Variants in C1orf21 observed in about 807,000 individuals in gnomAD.
The protein encoded by C1orf21 is chromosome 1 open reading frame 21.
In C1orf21, 3 loss-of-function variants were observed where a neutral mutation model predicts 18.7. That is an observed-to-expected ratio of 0.16 (90% confidence interval 0.07 to 0.42). The LOEUF (loss-of-function observed/expected upper bound fraction) is 0.42. Among genes scored for constraint, C1orf21 ranks in the 10% least tolerant of loss-of-function variants. C1orf21 has a pLI of 0.99. For missense variants in C1orf21, 104 were observed against 143.6 expected, an observed-to-expected ratio of 0.72 and a Z score of 1.41; for synonymous variants, 41 against 46.4, an observed-to-expected ratio of 0.88 and a Z score of 0.47.
intron 2 of C1orf21, among the ~76,000 whole-genome samples, chr1:184,499,911 T>C (rs1465250893): frequency 6.6e-6 from 1 of 152,194 alleles, no homozygotes; most frequent in African/African-American, 2.4e-5. Context: ...ACAGGAATCC[T>C]GCTAGGAGTA....
chr1:184,444,870 A>G (rs1039049828), intron 1 of C1orf21, among the ~76,000 whole-genome samples: 2 of 152,102 alleles, frequency 1.3e-5, no homozygotes, highest in African/African-American at 4.8e-5. Flanking sequence ...CTATCTAGGG[A>G]GATCAAAAGA....
chr1:184,442,513 C>T (rs901094415), intron 1 of C1orf21, among the ~76,000 whole-genome samples: 3 of 152,180 alleles, frequency 2.0e-5, no homozygotes, highest in Non-Finnish European at 4.4e-5. Context: ...TGGCATGTTG[C>T]CTGTCTTTTA....
intron 1 of C1orf21, among the ~76,000 whole-genome samples, chr1:184,440,989 T>C (rs1424250157): frequency 6.6e-6 from 1 of 152,208 alleles, no homozygotes; most frequent in Non-Finnish European, 1.5e-5. Flanking sequence ...CTATTTGATG[T>C]TTTTTGTTTG....
In C1orf21 at chr1:184,553,305, C is replaced by A. The variant is rs1033178479; in HGVS notation, c.190-37434C>A. Among the ~76,000 whole-genome samples, 3 of 152,188 alleles carry A rather than the reference C, an allele frequency of 2.0e-5. No individual in the cohort carries two copies. The South Asian group carries it at 6.2e-4, about 32-fold the overall frequency. The stretch of plus-strand genomic sequence containing the variant: ...CTGGATTTCCATTAATAATCCTAGG[C>A]AAAGAAGTTATTTCATAGGTTGTCT... On this transcript the variant is annotated intron_variant, in intron 3 of 5. Transcript: ENST00000235307.
intron 3 of C1orf21, among the ~76,000 whole-genome samples, chr1:184,509,046 C>G (rs538494865): frequency 6.6e-6 from 1 of 152,258 alleles, no homozygotes; most frequent in South Asian, 2.1e-4. Context: ...AGTTATCAAT[C>G]TCATCCTTAA....
At chr1:184,579,573 C>T (rs184986883) in intron 3 of C1orf21, among the ~76,000 whole-genome samples, 1,698 of 147,488 alleles carry the variant, frequency 0.012, 40 homozygotes, top group African/African-American at 0.04. Flanking sequence ...TGCAGTGGCA[C>T]GATCTCAGCT....
intron 2 of C1orf21, among the ~76,000 whole-genome samples, chr1:184,488,422 G>C (rs1657765253): frequency 6.6e-6 from 1 of 152,314 alleles, no homozygotes; most frequent in South Asian, 2.1e-4. Context: ...GTAGAAGTAA[G>C]GAGTAAAGCA....
chr1:184,487,319 GA>G (rs1233819412), intron 2 of C1orf21, among the ~76,000 whole-genome samples: 3 of 152,178 alleles, frequency 2.0e-5, no homozygotes, highest in African/African-American at 4.8e-5. Context: ...TCTGCACTTG[GA>G]ACTTTACATG....
chr1:184,607,298 A>G (rs1310831420), intron 5 of C1orf21, among the ~76,000 whole-genome samples: 1 of 152,216 alleles, frequency 6.6e-6, no homozygotes, highest in African/African-American at 2.4e-5. Context: ...CATGGTCAGT[A>G]TCTACCTTAT....
intron 5 of C1orf21, among the ~76,000 whole-genome samples, chr1:184,602,038 T>C (rs2102003999): frequency 6.6e-6 from 1 of 152,308 alleles, no homozygotes; most frequent in Admixed American, 6.5e-5. Flanking sequence ...AGTCCATTGC[T>C]TTGACAAGTT....
chr1:184,506,875 C>A (rs1658070568), intron 2 of C1orf21, among the ~76,000 whole-genome samples: 1 of 152,086 alleles, frequency 6.6e-6, no homozygotes, highest in Non-Finnish European at 1.5e-5. Context: ...TCCCACTATA[C>A]TCTCCAGCCT....
rs1025637026 is a variant in C1orf21, at chr1:184,457,211, A to G, written c.-124-20175A>G. Among the ~76,000 whole-genome samples, 10 of 152,334 alleles carry G rather than the reference A, an allele frequency of 6.6e-5. No homozygotes were observed. The South Asian group carries it at 2.1e-3, about 32-fold the overall frequency. ...GGAAGGAACTTGTTGAGGACATAGA[A>G]GTGACTAGAATTGCATCCGTTATCT... On this transcript the variant is annotated intron_variant, in intron 1 of 5. Transcript: ENST00000235307.
chr1:184,558,911 G>T (rs1405093015), intron 3 of C1orf21, among the ~76,000 whole-genome samples: 1 of 152,230 alleles, frequency 6.6e-6, no homozygotes, highest in Non-Finnish European at 1.5e-5. Context: ...AGGCAGAATT[G>T]TAGAGTAGAA....
Position 184,588,449 on chromosome 1 carries a change from T to C in C1orf21, c.190-2290T>C, listed in dbSNP as rs116321842. On this transcript the variant is annotated intron_variant, in intron 3 of 5. Transcript: ENST00000235307. ...TAAAAGGGTCTTGACCCTAAAAAGT[T>C]TGAGAAATGCTGAGCTAGTAGTGAA... 1.3e-3 allele frequency among the ~76,000 whole-genome samples: 202 copies of C among 152,232 alleles called. 2 individuals carry two copies. Among genetic ancestry groups the C allele is most frequent in the African/African-American group, 4.6e-3 (193 of 41,538 alleles).
At chr1:184,398,358 A>G (rs1656095256) in intron 1 of C1orf21, among the ~76,000 whole-genome samples, 1 of 152,216 alleles carries the variant, frequency 6.6e-6, no homozygotes, top group African/African-American at 2.4e-5. Flanking sequence ...CTTGTAGCTA[A>G]TAGTGGTGGT....
At chr1:184,528,972 T>C (rs1046077639) in intron 3 of C1orf21, among the ~76,000 whole-genome samples, 2 of 152,144 alleles carry the variant, frequency 1.3e-5, no homozygotes, top group Non-Finnish European at 2.9e-5. Context: ...CGTTTTATTG[T>C]TTTGGACATA....
intron 4 of C1orf21, among the ~76,000 whole-genome samples, chr1:184,594,121 A>T (rs1571294263): frequency 6.6e-6 from 1 of 152,254 alleles, no homozygotes; most frequent in East Asian, 1.9e-4. Flanking sequence ...ATACTACTTT[A>T]AAAAAATAAT....
At chr1:184,461,846 A>AAAAAC (rs1057162783) in intron 1 of C1orf21, among the ~76,000 whole-genome samples, 2 of 152,204 alleles carry the variant, frequency 1.3e-5, no homozygotes, top group African/African-American at 4.8e-5. Context: ...TTGATTAAAA[A>AAAAAC]AAAACAAAAC....
chr1:184,430,842 T>C (rs775719683), intron 1 of C1orf21, among the ~76,000 whole-genome samples: 2 of 152,230 alleles, frequency 1.3e-5, no homozygotes, highest in Non-Finnish European at 2.9e-5. Context: ...GGCAGCTTGA[T>C]GGGGATAGCA....
Sources: gnomAD v4.1 joint callset for allele counts (sites outside exome capture counted in the v4.1 genomes callset) on GRCh38, gnomAD v4.1.1 for gene constraint, MANE v1.5 for transcripts, NCBI Gene and HGNC (gene_info 2026-07-23, HGNC 2026-07-21) for gene names.